Variants in HEPACAM observed in about 807,000 individuals in gnomAD.
HEPACAM encodes the protein hepatocyte cell adhesion molecule.
Under a neutral mutation model 38.3 loss-of-function variants are expected in HEPACAM, and 18 were observed. The ratio of observed to expected loss-of-function variants is 0.47; its 90% confidence interval spans 0.33 to 0.70. The LOEUF (loss-of-function observed/expected upper bound fraction) is 0.70. Ranked by LOEUF, HEPACAM falls within the 30% of genes least tolerant of loss-of-function variation. The pLI, the probability that HEPACAM is intolerant of heterozygous loss-of-function variation, is 0.03. For missense variants in HEPACAM, 466 were observed against 563.0 expected, an observed-to-expected ratio of 0.83 and a Z score of 1.74; for synonymous variants, 216 against 243.1, an observed-to-expected ratio of 0.89 and a Z score of 1.04.
rs1476298616 is a variant in HEPACAM at position 124,923,825 on chromosome 11, T to C, written c.613A>G (p.Thr205Ala). The C allele has an allele frequency of 6.2e-7, 1 of 1,614,072 alleles. No individual in the cohort carries two copies. ...TCGTCATCCTCCATGAGCACGCGGG[T>C]GATGGTGAGCACCTTTTGGTCGGGG... ...LSPDQKVLTI[T>A]RVLMEDDDLY... Residue 205 changes from threonine (T) to alanine (A), a missense_variant, in exon 3 of 7, where the codon ACC becomes GCC. By Grantham distance (58) the Thr-to-Ala change is moderately conservative. Transcript: ENST00000298251.
rs387907052 is a variant in HEPACAM at position 124,924,863 on chromosome 11, G to A, written c.292C>T (p.Arg98Cys). 6.2e-7 allele frequency: 1 copy of A among 1,614,180 alleles called. No homozygotes were observed. The highest frequency in any genetic ancestry group is 8.5e-7 in the Non-Finnish European group (1 of 1,180,028). The change falls in exon 2 of 7, where the codon CGT (arginine) becomes TGT (cysteine). Residue 98 changes from arginine (R) to cysteine (C), a missense_variant. Coordinates refer to ENST00000298251, the MANE Select transcript of HEPACAM (RefSeq NM_152722.5). This position sits in a 1 kb window ranked among gnomAD's most constrained non-coding sequence, Gnocchi z 4.4. ...GAGCCATTTTCAAAGAGTCGGATAC[G>A]GTCTCGATAGTCAGGCCGCAGGGTG... ...IGTLRPDYRD[R>C]IRLFENGSLL... is the part of the protein sequence containing the mutation.
chr11:124,922,637 G>A, intron 5 of HEPACAM, 108 bp downstream of exon 5: 2 of 1,613,284 alleles, frequency 1.2e-6, no homozygotes, highest in Non-Finnish European at 1.7e-6. Flanking sequence ...GTTGGTGGGG[G>A]AAGGGTCCCT....
chr11:124,921,144 G>T lies in HEPACAM; in HGVS notation c.1245C>A (p.Ser415Arg). 6.5e-7 allele frequency: 1 copy of T among 1,526,900 alleles called. No homozygotes were observed. Among genetic ancestry groups the T allele is most frequent in the South Asian group, 1.2e-5 (1 of 83,248 alleles). 94.6% of individuals were successfully genotyped at this position (1,526,900 alleles called of 1,614,324 possible). The change falls in exon 7 of 7, where the codon AGC becomes AGA. Residue 415 changes from serine to arginine, a missense_variant. Physicochemically the swap from Ser to Arg is moderately radical, Grantham distance 110. Transcript: ENST00000298251. This position sits in a 1 kb window ranked among gnomAD's most constrained non-coding sequence, Gnocchi z 4.6. ...EQDEAGPVEI[S>R]A ...CAGGGGATCCCGAGGCGGCTCAGGC[G>T]CTGATCTCCACCGGGCCGGCCTCGT... is the stretch of plus-strand genomic sequence containing the variant.
At chr11:124,933,124 C>A (rs188102167) in intron 1 of HEPACAM, among the ~76,000 whole-genome samples, 2 of 152,122 alleles carry the variant, frequency 1.3e-5, no homozygotes, top group African/African-American at 4.8e-5. Context: ...CCAGCACTTA[C>A]CTCTTATCTA....
Position 124,925,088 on chromosome 11 carries a change from G to A in HEPACAM, c.86-19C>T, listed in dbSNP as rs1364336383. 1.3e-6 allele frequency: 2 copies of A among 1,556,872 alleles called. No homozygotes were observed. Among genetic ancestry groups the A allele is most frequent in the Non-Finnish European group, 1.7e-6 (2 of 1,148,162 alleles). ...AGGGGGTCTGTGAACAGAGGCCCAT[G>A]AGGAAGAGGGAAGCATCAGGCCCTG... On this transcript the variant is annotated intron_variant, in intron 1 of 6. Transcript: ENST00000298251.
Position 124,920,525 on chromosome 11 carries a change from G to T in HEPACAM, c.*613C>A. Reference sequence around the variant, plus strand: ...GTACCCTTCCCTCACCACCTTGTAGGTCCCCAGGTACCAGGTGCCCAGGGA... The same window carrying T: ...GTACCCTTCCCTCACCACCTTGTAGTTCCCCAGGTACCAGGTGCCCAGGGA... On this transcript the variant is annotated 3_prime_UTR_variant, in exon 7 of 7. Transcript: ENST00000298251. The T allele has an allele frequency of 2.1e-6, 3 of 1,438,070 alleles. No individual in the cohort carries two copies. Among genetic ancestry groups the T allele is most frequent in the Non-Finnish European group, 2.8e-6 (3 of 1,078,892 alleles). 89.1% of individuals were successfully genotyped at this position (1,438,070 alleles called of 1,614,324 possible).
chr11:124,926,447 G>C (rs916852341), intron 1 of HEPACAM, among the ~76,000 whole-genome samples: 1 of 152,074 alleles, frequency 6.6e-6, no homozygotes, highest in Non-Finnish European at 1.5e-5. Context: ...TTGTAATTCT[G>C]GGATTTTACC....
intron 1 of HEPACAM, among the ~76,000 whole-genome samples, chr11:124,927,722 A>C (rs1327645422): frequency 6.6e-6 from 1 of 151,702 alleles, no homozygotes; most frequent in Non-Finnish European, 1.5e-5. Flanking sequence ...AGAACCATAA[A>C]ACCTTAAAAG....
In HEPACAM at chr11:124,924,598, C is replaced by T. The variant is rs2135399726; in HGVS notation, c.427+130G>A. 2 of 822,208 alleles carry T rather than the reference C, an allele frequency of 2.4e-6. No individual in the cohort carries two copies. The highest frequency in any genetic ancestry group is 1.3e-5 in the South Asian group (1 of 74,632). The allele number at this position is 822,208 out of a possible 1,614,324, so 50.9% of individuals were successfully genotyped here. On this transcript the variant is annotated intron_variant, in intron 2 of 6. Transcript: ENST00000298251. This position sits in a 1 kb window ranked among gnomAD's most constrained non-coding sequence, Gnocchi z 4.4. ...GTGCCTGTCTGCCAACTTCTAATGT[C>T]CACTTGCCTCATTCTCAGCTCCCAA...
chr11:124,923,103 A>C (rs1427074356), intron 4 of HEPACAM, among the ~76,000 whole-genome samples: 1 of 152,214 alleles, frequency 6.6e-6, no homozygotes, highest in African/African-American at 2.4e-5. Context: ...AACCACAGCC[A>C]CAGTGCCTGG....
chr11:124,920,005 G>A lies in HEPACAM; in HGVS notation c.*1133C>T. On this transcript the variant is annotated 3_prime_UTR_variant, in exon 7 of 7. Transcript: ENST00000298251. Reference sequence around the variant, plus strand: ...CACAGCGGCCCAGCCTCTTTATTTTGATGTTAGTGTGATTAGGGAGTCTGC... The same window carrying A: ...CACAGCGGCCCAGCCTCTTTATTTTAATGTTAGTGTGATTAGGGAGTCTGC... 1 of 1,612,758 alleles carries A rather than the reference G, an allele frequency of 6.2e-7. No individual in the cohort carries two copies. Among genetic ancestry groups the A allele is most frequent in the South Asian group, 1.1e-5 (1 of 91,006 alleles).
Position 124,925,016 on chromosome 11 carries a change from C to T in HEPACAM, c.139G>A (p.Val47Met), listed in dbSNP as rs149730492. Reference protein sequence around the residue: ...TSPVRLIHGTVGKSALLSVQY... With the variant: ...TSPVRLIHGTMGKSALLSVQY... The stretch of plus-strand genomic sequence containing the variant: ...ACAGAAAGCAGAGCCGACTTCCCCA[C>T]GGTGCCATGGATCAGGCGCACGGGG... Residue 47 changes from valine (V) to methionine (M), a missense_variant, in exon 2 of 7, where the codon GTG becomes ATG. By Grantham distance (21) the Val-to-Met change is conservative. Transcript: ENST00000298251. The T allele has an allele frequency of 1.3e-4, 214 of 1,606,620 alleles. No homozygotes were observed. The highest frequency in any genetic ancestry group is 4.4e-4 in the South Asian group (40 of 90,814).
chr11:124,924,100 T>A lies in HEPACAM; in HGVS notation c.428-90A>T, dbSNP rs1429088475. On this transcript the variant is annotated intron_variant, in intron 2 of 6. Transcript: ENST00000298251. This position sits in a 1 kb window ranked among gnomAD's most constrained non-coding sequence, Gnocchi z 4.4. ...AGCTCCCTGCCTTCCAACACACCTTTAACACTACCTTCCAACTCAATCTGT... is the reference window on the plus strand; with the variant it reads ...AGCTCCCTGCCTTCCAACACACCTTAAACACTACCTTCCAACTCAATCTGT... 1.6e-6 allele frequency: 2 copies of A among 1,222,726 alleles called. No homozygotes were observed. Among genetic ancestry groups the A allele is most frequent in the Non-Finnish European group, 2.3e-6 (2 of 861,968 alleles). The allele number at this position is 1,222,726 out of a possible 1,614,324, so 75.7% of individuals were successfully genotyped here.
At chr11:124,923,640 T>G in intron 3 of HEPACAM, 89 bp downstream of exon 3, 174 of 1,513,766 alleles carry the variant, frequency 1.1e-4, no homozygotes, top group Non-Finnish European at 1.5e-4. Flanking sequence ...CTCCCCCCAG[T>G]GACATTTCTT....
chr11:124,919,544 T>C lies in HEPACAM; in HGVS notation c.*1594A>G. ...GCCTCTTCCACCTTCTTGAGAAACT[T>C]TTCCCCTACATGCATTATCTCATTA... On this transcript the variant is annotated 3_prime_UTR_variant, in exon 7 of 7. Coordinates refer to ENST00000298251, the MANE Select transcript of HEPACAM (RefSeq NM_152722.5). 4 of 596,528 alleles carry C rather than the reference T, an allele frequency of 6.7e-6. 1 individual carries two copies. The South Asian group carries it at 8.8e-5, about 13-fold the overall frequency. 37.0% of individuals were successfully genotyped at this position (596,528 alleles called of 1,614,324 possible). A position where few individuals can be genotyped will look rare whatever the true frequency, so the allele number is the denominator to read the frequency against.
intron 1 of HEPACAM, among the ~76,000 whole-genome samples, chr11:124,931,716 A>G (rs1947283050): frequency 1.3e-5 from 2 of 152,362 alleles, no homozygotes; most frequent in South Asian, 2.1e-4. Context: ...CTACTCCTAG[A>G]TGTATCCCCA....
intron 1 of HEPACAM, among the ~76,000 whole-genome samples, chr11:124,926,575 G>A (rs559344594): frequency 9.9e-4 from 150 of 152,264 alleles, no homozygotes; most frequent in African/African-American, 3.6e-3. Flanking sequence ...CCAACCACCC[G>A]AAGGAGGGTC....
intron 1 of HEPACAM, among the ~76,000 whole-genome samples, chr11:124,926,319 A>C (rs1212443704): frequency 6.6e-6 from 1 of 152,256 alleles, no homozygotes; most frequent in Non-Finnish European, 1.5e-5. Flanking sequence ...AAAATTGAGC[A>C]GAGTTTTGGG....
At position 124,921,081 on chromosome 11, in the gene HEPACAM, T is replaced by A; in HGVS notation, c.*57A>T. 6.6e-7 allele frequency: 1 copy of A among 1,506,002 alleles called. No individual in the cohort carries two copies. Among genetic ancestry groups the A allele is most frequent in the Non-Finnish European group, 8.8e-7 (1 of 1,132,600 alleles). The allele number at this position is 1,506,002 out of a possible 1,614,324, so 93.3% of individuals were successfully genotyped here. A position where few individuals can be genotyped will look rare whatever the true frequency, so the allele number is the denominator to read the frequency against. On this transcript the variant is annotated 3_prime_UTR_variant, in exon 7 of 7. Coordinates refer to ENST00000298251, the MANE Select transcript of HEPACAM (RefSeq NM_152722.5). This position sits in a 1 kb window ranked among gnomAD's most constrained non-coding sequence, Gnocchi z 4.6. Reference sequence around the variant, plus strand: ...GCGCCCGGGCTTCCCAGCCCCAGCTTTCCCCCGGGCCACTGGCCGCAGACC... The same window carrying A: ...GCGCCCGGGCTTCCCAGCCCCAGCTATCCCCCGGGCCACTGGCCGCAGACC...
Sources: gnomAD v4.1 joint callset for allele counts (sites outside exome capture counted in the v4.1 genomes callset) on GRCh38, gnomAD v4.1.1 for gene constraint, Gnocchi (gnomAD v3.1) non-coding constraint, MANE v1.5 for transcripts, NCBI Gene and HGNC (gene_info 2026-07-23, HGNC 2026-07-21) for gene names.